ZNF280B: variants seen among roughly 807,000 people sequenced by gnomAD.
ZNF280B encodes zinc finger protein 280B.
A neutral mutation model predicts 38.0 loss-of-function variants in ZNF280B; 16 were observed. That is an observed-to-expected ratio of 0.42 (90% CI 0.28 to 0.64). The LOEUF (loss-of-function observed/expected upper bound fraction) is 0.64. ZNF280B is among the 30% of genes least tolerant of loss of function. The pLI is 0.21. For synonymous variants in ZNF280B, 253 were observed against 230.6 expected, an observed-to-expected ratio of 1.10 and a Z score of -0.88; for missense variants, 581 against 639.6, an observed-to-expected ratio of 0.91 and a Z score of 0.99.
At position 22,488,524 on chromosome 22, in the gene ZNF280B, T is replaced by C; in HGVS notation, c.875A>G (p.Gln292Arg). ...TTCCGGCTGCCCTTCTCCTTTATGC[T>C]GTCCATAGTAAAAGTCACTAAGTAA... ...IVLLSDFYYG[Q>R]HKGEGQPEQK... The change falls in exon 4 of 4, where the codon CAG becomes CGG. Residue 292 changes from glutamine to arginine, a missense_variant. Transcript: ENST00000626650. 6.2e-7 allele frequency: 1 copy of C among 1,613,970 alleles called. No homozygotes were observed. The highest frequency in any genetic ancestry group is 1.1e-5 in the South Asian group (1 of 91,076).
At chr22:22,493,468 T>C (rs906990343) in intron 3 of ZNF280B, among the ~76,000 whole-genome samples, 4 of 152,074 alleles carry the variant, frequency 2.6e-5, no homozygotes, top group Non-Finnish European at 2.9e-5. Flanking sequence ...TCTGATGATA[T>C]TGCTGTTAAC....
In ZNF280B at chr22:22,488,386, C is replaced by T. The variant is rs1221485017; in HGVS notation, c.1013G>A (p.Ser338Asn). The change falls in exon 4 of 4, where the codon AGC (serine) becomes AAC (asparagine). Residue 338 changes from serine (S) to asparagine (N), a missense_variant. Ser to Asn is a conservative substitution (Grantham distance 46). Transcript: ENST00000626650. The part of the protein sequence containing the change: ...HLEFEKQRND[S>N]WENHTTCQHC... The stretch of plus-strand genomic sequence containing the variant: ...CTGGCAGGTGGTGTGGTTTTCCCAG[C>T]TGTCGTTCCTCTGCTTCTCAAATTC... 1 of 1,613,900 alleles carries T rather than the reference C, an allele frequency of 6.2e-7. No homozygotes were observed. Among genetic ancestry groups the T allele is most frequent in the Middle Eastern group, 1.7e-4 (1 of 6,054 alleles).
intron 3 of ZNF280B, among the ~76,000 whole-genome samples, chr22:22,493,073 C>T (rs5758491): frequency 0.15 from 22,494 of 151,514 alleles, 1,960 homozygotes; most frequent in South Asian, 0.29. Flanking sequence ...TGCAGTGGCA[C>T]GATCTCGGCT....
rs146769741 is a variant in ZNF280B at position 22,500,433 on chromosome 22, C to A, written c.-186-6253G>T. ...AACCTCAAAAAGGAAGAAAATCTGT[C>A]ACATGCTACATGTTTGAACCTTGAG... On this transcript the variant is annotated intron_variant, in intron 2 of 3. Coordinates refer to ENST00000626650, the MANE Select transcript of ZNF280B (RefSeq NM_080764.4). Among the ~76,000 whole-genome samples the A allele has an allele frequency of 5.6e-3, 848 of 151,922 alleles. 9 individuals carry two copies. The highest frequency in any genetic ancestry group is 0.019 in the African/African-American group (789 of 41,464).
chr22:22,496,140 G>A (rs1367069276), intron 2 of ZNF280B, among the ~76,000 whole-genome samples: 1 of 107,764 alleles, frequency 9.3e-6, no homozygotes, highest in African/African-American at 3.8e-5. Context: ...ATGGAGTCTC[G>A]CTGTGTCACC....
At chr22:22,495,121 G>A (rs895231037) in intron 2 of ZNF280B, among the ~76,000 whole-genome samples, 1 of 151,914 alleles carries the variant, frequency 6.6e-6, no homozygotes, top group African/African-American at 2.4e-5. Flanking sequence ...CTTATGATGA[G>A]ATCTGGCCAT....
chr22:22,492,457 C>A (rs1457681506), intron 3 of ZNF280B, among the ~76,000 whole-genome samples: 1 of 151,940 alleles, frequency 6.6e-6, no homozygotes. Context: ...AGGGTGGCAA[C>A]TAAAAATGGC....
rs572430759 is a variant in ZNF280B, at chr22:22,504,156, G to A, written c.-187+3654C>T. ...AGATTAAAATAACTTGTGCCAGGCC[G>A]GGCATGGTGGCTCACGCCTGTAATC... On this transcript the variant is annotated intron_variant, in intron 2 of 3. Transcript: ENST00000626650. Among the ~76,000 whole-genome samples the A allele has an allele frequency of 1.9e-3, 284 of 152,056 alleles. 1 individual carries two copies. Among genetic ancestry groups the A allele is most frequent in the Non-Finnish European group, 3.4e-3 (232 of 67,990 alleles).
chr22:22,505,465 C>T (rs1339190367), intron 2 of ZNF280B, among the ~76,000 whole-genome samples: 2 of 151,918 alleles, frequency 1.3e-5, no homozygotes, highest in East Asian at 3.9e-4. Context: ...ACTCGGGAGG[C>T]TGAGGCAGGA....
intron 2 of ZNF280B, among the ~76,000 whole-genome samples, chr22:22,496,763 GA>G (rs896270649): frequency 1.3e-5 from 2 of 151,388 alleles, no homozygotes; most frequent in Non-Finnish European, 2.9e-5. Flanking sequence ...ACTCAAGTGG[GA>G]CTGATGCCTG....
intron 2 of ZNF280B, among the ~76,000 whole-genome samples, chr22:22,496,848 C>CG (rs1174420957): frequency 6.9e-6 from 1 of 145,802 alleles, no homozygotes; most frequent in Non-Finnish European, 1.5e-5. Flanking sequence ...ATGGGAGTCT[C>CG]GCTCTGTCAC....
intron 2 of ZNF280B, among the ~76,000 whole-genome samples, chr22:22,501,939 A>T (rs577628354): frequency 1.1e-4 from 16 of 145,384 alleles, no homozygotes; most frequent in African/African-American, 3.4e-4. Flanking sequence ...CTGTCTCAAG[A>T]AAAAAAAAAA....
intron 2 of ZNF280B, among the ~76,000 whole-genome samples, chr22:22,495,090 G>A (rs997544830): frequency 6.6e-6 from 1 of 151,868 alleles, no homozygotes; most frequent in African/African-American, 2.4e-5. Context: ...TCTGAGGAAA[G>A]GCTTCCCCAA....
In ZNF280B at chr22:22,508,697, G is replaced by T. The variant is rs563640685; in HGVS notation, c.-286C>A. On this transcript the variant is annotated 5_prime_UTR_variant, in exon 1 of 4. Transcript: ENST00000626650. Reference sequence around the variant, plus strand: ...CTGCTGTTCGCGAGCTGCCGGCCACGCACCAGCCCCGGAGGCGCTCCCGGG... The same window carrying T: ...CTGCTGTTCGCGAGCTGCCGGCCACTCACCAGCCCCGGAGGCGCTCCCGGG... The T allele has an allele frequency of 1.3e-5, 2 of 152,022 alleles. No individual in the cohort carries two copies. Among genetic ancestry groups the T allele is most frequent in the East Asian group, 2.0e-4 (1 of 5,002 alleles). The allele number at this position is 152,022 out of a possible 1,614,324, so 9.4% of individuals were successfully genotyped here. A position where few individuals can be genotyped will look rare whatever the true frequency, so the allele number is the denominator to read the frequency against.
chr22:22,508,798 G>A (rs1008458531), upstream of ZNF280B: 3 of 151,950 alleles, frequency 2.0e-5, no homozygotes, highest in Non-Finnish European at 2.9e-5. Flanking sequence ...CGCGCGTCCA[G>A]TGGAGACCTG....
intron 2 of ZNF280B, among the ~76,000 whole-genome samples, chr22:22,506,858 T>C (rs2061949506): frequency 6.6e-6 from 1 of 151,878 alleles, no homozygotes; most frequent in African/African-American, 2.4e-5. Context: ...GGATAAATGG[T>C]TGCGGTGGCC....
rs1348909937 is a variant in ZNF280B at position 22,487,491 on chromosome 22, ATAAAT to A, written c.*271_*275del. 8.6e-6 allele frequency: 2 copies of A among 231,714 alleles called. No homozygotes were observed. The highest frequency in any genetic ancestry group is 4.6e-5 in the African/African-American group (2 of 43,344). The allele number at this position is 231,714 out of a possible 1,614,324, so 14.4% of individuals were successfully genotyped here. ...AAAAAAAAAAATTAAAATTAAAAAA[ATAAAT>A]TAATACCTTTTTCTCTCTCTCACAC... On this transcript the variant is annotated 3_prime_UTR_variant, in exon 4 of 4. Transcript: ENST00000626650.
At chr22:22,502,186 G>T (rs1337708663) in intron 2 of ZNF280B, among the ~76,000 whole-genome samples, 2 of 151,914 alleles carry the variant, frequency 1.3e-5, no homozygotes, top group African/African-American at 2.4e-5. Flanking sequence ...ATACACAAAT[G>T]GCCAAGCAGC....
chr22:22,496,106 T>TCTCAGGCTAGTTTCAACCCTA (rs2061689027), intron 2 of ZNF280B, among the ~76,000 whole-genome samples: 1 of 73,804 alleles, frequency 1.4e-5, no homozygotes, highest in African/African-American at 1.0e-4. Flanking sequence ...GCGCCTGGCC[T>TCTCAGGCTAGTTTCAACCCTA]TTTTTTTTTT....
Sources: gnomAD v4.1 joint callset for allele counts (sites outside exome capture counted in the v4.1 genomes callset) on GRCh38, gnomAD v4.1.1 for gene constraint, MANE v1.5 for transcripts, NCBI Gene and HGNC (gene_info 2026-07-23, HGNC 2026-07-21) for gene names.